Variants in EPHB1 observed in about 807,000 individuals in gnomAD.
The protein encoded by EPHB1 is ephrin type-B receptor 1.
In EPHB1, 30 loss-of-function variants were observed where a neutral mutation model predicts 94.4. That is an observed-to-expected ratio of 0.32 (90% CI 0.24 to 0.43). EPHB1 has a LOEUF of 0.43. Among genes scored for constraint, EPHB1 ranks in the 20% least tolerant of loss-of-function variants. The pLI is 1.00. For missense variants in EPHB1, 1,055 were observed against 1,308.3 expected (o/e 0.81, Z 2.99); for synonymous variants, 522 against 489.1 (o/e 1.07, Z -0.89).
At chr3:135,198,757 A>G (rs1408192942) in intron 11 of EPHB1, among the ~76,000 whole-genome samples, 2 of 152,328 alleles carry the variant, frequency 1.3e-5, no homozygotes, top group African/African-American at 4.8e-5. Flanking sequence ...TACACAAGGC[A>G]CTGAGCTAGG....
chr3:134,972,272 G>T (rs1206648710), intron 3 of EPHB1, among the ~76,000 whole-genome samples: 1 of 151,146 alleles, frequency 6.6e-6, no homozygotes, highest in Non-Finnish European at 1.5e-5. Flanking sequence ...GCTGCATGTG[G>T]GGCTTCTTAA....
At chr3:135,196,482 G>A (rs529858898) in intron 11 of EPHB1, among the ~76,000 whole-genome samples, 4 of 152,136 alleles carry the variant, frequency 2.6e-5, no homozygotes, top group South Asian at 2.1e-4. Context: ...GAAATGAAGC[G>A]TTTCTGACTC....
At chr3:135,179,182 A>C (rs776087352) in intron 9 of EPHB1, among the ~76,000 whole-genome samples, 1 of 152,116 alleles carries the variant, frequency 6.6e-6, no homozygotes, top group Non-Finnish European at 1.5e-5. Context: ...TTTGTTTTTC[A>C]TACTTCAGTG....
At chr3:135,006,611 C>T (rs1039423042) in intron 3 of EPHB1, among the ~76,000 whole-genome samples, 2 of 152,186 alleles carry the variant, frequency 1.3e-5, no homozygotes, top group African/African-American at 4.8e-5. Context: ...AGGAAGATTG[C>T]TTAACCCCAA....
intron 1 of EPHB1, among the ~76,000 whole-genome samples, chr3:134,897,319 T>C (rs1333422867): frequency 2.0e-5 from 3 of 151,526 alleles, no homozygotes; most frequent in African/African-American, 7.3e-5. Flanking sequence ...CCTGGCAATG[T>C]CATTCTTGGG....
chr3:134,984,322 A>G (rs934718618), intron 3 of EPHB1, among the ~76,000 whole-genome samples: 2 of 151,902 alleles, frequency 1.3e-5, no homozygotes, highest in South Asian at 2.1e-4. Flanking sequence ...CACTGATCCC[A>G]CCACCCATGT....
In EPHB1 at chr3:134,951,544, C is replaced by T. The variant is rs1933031426; in HGVS notation, c.297C>T (p.Leu99=). The change falls in exon 3 of 16, where the codon CTC becomes CTT. Residue 99 remains leucine (L), a synonymous_variant. Transcript: ENST00000398015. This position sits in a 1 kb window ranked among gnomAD's most constrained non-coding sequence, Gnocchi z 4.5. ...TCACTGTGAGAGACTGCAGCAGCCT[C>T]CCTAATGTCCCAGGATCCTGCAAGG... ...MRFTVRDCSS[L]PNVPGSCKET... 6.2e-7 allele frequency: 1 copy of T among 1,613,924 alleles called. No individual in the cohort carries two copies.
chr3:135,025,252 G>T lies in EPHB1; in HGVS notation c.805+73200G>T, dbSNP rs1279149154. Among the ~76,000 whole-genome samples the T allele has an allele frequency of 2.0e-3, 218 of 110,900 alleles. 1 individual carries two copies. The highest frequency in any genetic ancestry group is 3.3e-3 in the Non-Finnish European group (173 of 52,056). 72.8% of individuals were successfully genotyped at this position (110,900 alleles called of 152,430 possible). On this transcript the variant is annotated intron_variant, in intron 3 of 15. Transcript: ENST00000398015. ...ATACTTTAAGTTTTAGGGTACATGT[G>T]CACACTGTGCAGGTTAGTTACATAC...
intron 12 of EPHB1, among the ~76,000 whole-genome samples, chr3:135,222,321 G>A (rs1343341318): frequency 6.6e-6 from 1 of 152,152 alleles, no homozygotes; most frequent in Non-Finnish European, 1.5e-5. Flanking sequence ...ATGGGAATGG[G>A]GATCCAGCGT....
intron 3 of EPHB1, among the ~76,000 whole-genome samples, chr3:135,061,140 T>A (rs1177184996): frequency 8.5e-5 from 13 of 152,150 alleles, no homozygotes; most frequent in Admixed American, 3.3e-4. Flanking sequence ...TAAAAAAAAA[T>A]TTCCATAGGT....
chr3:135,219,518 G>A (rs1481995700), intron 12 of EPHB1, among the ~76,000 whole-genome samples: 4 of 152,022 alleles, frequency 2.6e-5, no homozygotes. Context: ...GAAACTAGAA[G>A]GAGCAAGTCA....
chr3:135,205,360 A>G (rs1942874545), intron 12 of EPHB1, among the ~76,000 whole-genome samples: 2 of 152,150 alleles, frequency 1.3e-5, no homozygotes, highest in African/African-American at 4.8e-5. Context: ...TTTGCCTGCC[A>G]TGTGTGATAC....
intron 10 of EPHB1, among the ~76,000 whole-genome samples, chr3:135,183,492 A>C (rs1481868367): frequency 6.6e-6 from 1 of 152,146 alleles, no homozygotes; most frequent in South Asian, 2.1e-4. Context: ...TGTGCATGTG[A>C]CTGGGGGTGA....
At chr3:134,803,135 G>A (rs1038308129) in intron 1 of EPHB1, among the ~76,000 whole-genome samples, 1 of 152,152 alleles carries the variant, frequency 6.6e-6, no homozygotes, top group Admixed American at 6.5e-5. Flanking sequence ...GGGCCAATGT[G>A]GAAACACATA....
intron 3 of EPHB1, among the ~76,000 whole-genome samples, chr3:135,021,959 AG>A: frequency 6.6e-6 from 1 of 151,774 alleles, no homozygotes; most frequent in Admixed American, 6.6e-5. Context: ...GATCAACCTT[AG>A]TCATGTTGAA....
At chr3:134,998,951 CAAA>C (rs1935085617) in intron 3 of EPHB1, among the ~76,000 whole-genome samples, 1 of 152,078 alleles carries the variant, frequency 6.6e-6, no homozygotes, top group Non-Finnish European at 1.5e-5. Context: ...GGAAGGGAAA[CAAA>C]GAAGTCACAG....
At chr3:135,190,582 A>G (rs770285206) in intron 10 of EPHB1, among the ~76,000 whole-genome samples, 1 of 90,214 alleles carries the variant, frequency 1.1e-5, no homozygotes, top group Admixed American at 1.2e-4. Flanking sequence ...CACATATGTG[A>G]CAGGTCTGTA....
intron 1 of EPHB1, among the ~76,000 whole-genome samples, chr3:134,912,448 C>T (rs1488337827): frequency 1.3e-5 from 2 of 152,246 alleles, no homozygotes; most frequent in Non-Finnish European, 2.9e-5. Flanking sequence ...GCCAGGCCTG[C>T]ACCATCAGCA....
intron 3 of EPHB1, among the ~76,000 whole-genome samples, chr3:135,069,630 C>T (rs1937638367): frequency 6.6e-6 from 1 of 152,146 alleles, no homozygotes; most frequent in South Asian, 2.1e-4. Context: ...CTCACCTATA[C>T]ATATCCTTCC....
Sources: allele counts gnomAD v4.1 joint callset (sites outside exome capture counted in the v4.1 genomes callset), GRCh38; gene constraint gnomAD v4.1.1; non-coding constraint Gnocchi (gnomAD v3.1); transcripts MANE v1.5; gene names NCBI Gene and HGNC (gene_info 2026-07-23, HGNC 2026-07-21).